DPP6: variants seen among roughly 807,000 people sequenced by gnomAD.
DPP6 encodes dipeptidyl peptidase like 6.
DPP6 carries 69 observed loss-of-function variants against 122.6 expected under a neutral mutation model. The observed-to-expected ratio is 0.56, with a 90% confidence interval of 0.46 to 0.69. DPP6 has a LOEUF of 0.69. Ranked by LOEUF, DPP6 falls within the 30% of genes least tolerant of loss-of-function variation. The pLI is 0.00. For synonymous variants in DPP6, 418 were observed against 433.1 expected (o/e 0.97, Z 0.43); for missense variants, 928 against 1,116.9 (o/e 0.83, Z 2.41).
chr7:154,614,283 G>T (rs1361067475), intron 5 of DPP6, among the ~76,000 whole-genome samples: 3 of 152,202 alleles, frequency 2.0e-5, no homozygotes, highest in African/African-American at 7.2e-5. Flanking sequence ...CTATTTTTGG[G>T]ATTGGTTTAA....
chr7:153,929,612 C>T (rs1801080785), intron 1 of DPP6, among the ~76,000 whole-genome samples: 1 of 151,942 alleles, frequency 6.6e-6, no homozygotes, highest in South Asian at 2.1e-4. Flanking sequence ...ACTTGTCAAG[C>T]TATTGATAGC....
chr7:154,771,842 G>A (rs1796266359), intron 9 of DPP6, among the ~76,000 whole-genome samples: 1 of 152,186 alleles, frequency 6.6e-6, no homozygotes, highest in Non-Finnish European at 1.5e-5. Flanking sequence ...ATTTTAGTTG[G>A]AAGCATAATT....
intron 3 of DPP6, among the ~76,000 whole-genome samples, chr7:154,497,478 G>A (rs926479131): frequency 2.6e-5 from 4 of 152,012 alleles, no homozygotes; most frequent in East Asian, 1.9e-4. Flanking sequence ...ATGTGGTGGC[G>A]GGCATCTGTA....
chr7:154,323,596 G>A (rs1211314728), intron 1 of DPP6, among the ~76,000 whole-genome samples: 1 of 152,180 alleles, frequency 6.6e-6, no homozygotes, highest in Non-Finnish European at 1.5e-5. Context: ...TGCCATCTCT[G>A]GGGTAAGTGG....
chr7:153,956,805 G>C (rs1031514319), intron 1 of DPP6, among the ~76,000 whole-genome samples: 1 of 152,158 alleles, frequency 6.6e-6, no homozygotes, highest in East Asian at 1.9e-4. Context: ...TCTTGTGTCT[G>C]TAATTATCTT....
chr7:153,880,286 T>C, the DPP6 span, among the ~76,000 whole-genome samples: 1 of 152,220 alleles, frequency 6.6e-6, no homozygotes, highest in Admixed American at 6.5e-5. Context: ...CTAAAATATA[T>C]ACTGTGCTTC....
At chr7:154,199,086 C>T (rs547007948) in intron 1 of DPP6, among the ~76,000 whole-genome samples, 5 of 151,606 alleles carry the variant, frequency 3.3e-5, no homozygotes, top group Admixed American at 6.6e-5. Flanking sequence ...TGGGGTTCCT[C>T]GAGGCTGCTT....
intron 1 of DPP6, among the ~76,000 whole-genome samples, chr7:154,243,020 A>G (rs1390352525): frequency 6.6e-6 from 1 of 152,216 alleles, no homozygotes; most frequent in Admixed American, 6.5e-5. Context: ...AGTAAAAGCT[A>G]TACCCTCAAA....
At position 154,762,532 on chromosome 7, in the gene DPP6, G is replaced by A. The variant is rs565169079; in HGVS notation, c.884-6885G>A. 1.7e-3 allele frequency among the ~76,000 whole-genome samples: 256 copies of A among 152,322 alleles called. 1 individual carries two copies. Among genetic ancestry groups the A allele is most frequent in the Admixed American group, 3.7e-3 (56 of 15,298 alleles). On this transcript the variant is annotated intron_variant, in intron 8 of 25. Coordinates refer to ENST00000377770, the MANE Select transcript of DPP6 (RefSeq NM_130797.4). ...GCAGCTGTGTGCCCCACGGCCTTCC[G>A]CAGTAGTTGAATTCGCAGACTGAGC...
intron 6 of DPP6, among the ~76,000 whole-genome samples, chr7:154,648,334 T>C (rs978957025): frequency 2.0e-5 from 3 of 152,020 alleles, no homozygotes; most frequent in African/African-American, 4.8e-5. Flanking sequence ...TGGGGATGGA[T>C]AGGGAAAGGC....
chr7:154,230,427 A>G (rs1456825647), intron 1 of DPP6, among the ~76,000 whole-genome samples: 1 of 152,172 alleles, frequency 6.6e-6, no homozygotes, highest in Admixed American at 6.5e-5. Context: ...TGACTTCTTC[A>G]TCTTTAAGGG....
intron 1 of DPP6, among the ~76,000 whole-genome samples, chr7:154,000,116 C>T (rs1292419443): frequency 6.7e-6 from 1 of 148,422 alleles, no homozygotes; most frequent in Non-Finnish European, 1.5e-5. Flanking sequence ...TGAATAGGTT[C>T]CGGGCATGAT....
the DPP6 span, among the ~76,000 whole-genome samples, chr7:153,818,258 G>T: frequency 6.4e-3 from 975 of 152,224 alleles, 6 homozygotes; most frequent in African/African-American, 0.022. Context: ...GGCAGCATGT[G>T]ACACTGTGAT....
At chr7:154,519,274 G>A (rs1308328451) in intron 3 of DPP6, among the ~76,000 whole-genome samples, 1 of 152,242 alleles carries the variant, frequency 6.6e-6, no homozygotes, top group Non-Finnish European at 1.5e-5. Context: ...TTATGCTGGA[G>A]GAGGCTGGGA....
intron 1 of DPP6, among the ~76,000 whole-genome samples, chr7:154,355,013 C>A (rs1426853065): frequency 6.6e-6 from 1 of 152,132 alleles, no homozygotes; most frequent in Non-Finnish European, 1.5e-5. Context: ...CTCACCTGCC[C>A]TTGGGAGGGG....
chr7:153,826,700 T>C, the DPP6 span, among the ~76,000 whole-genome samples: 903 of 152,332 alleles, frequency 5.9e-3, 5 homozygotes, highest in African/African-American at 0.02. Flanking sequence ...TGTGTCTCTG[T>C]GTTGCATATA....
intron 1 of DPP6, among the ~76,000 whole-genome samples, chr7:154,225,669 T>C (rs1800553331): frequency 6.6e-6 from 1 of 152,208 alleles, no homozygotes; most frequent in Non-Finnish European, 1.5e-5. Context: ...GTAACACTTG[T>C]GTAGGGAATG....
intron 1 of DPP6, among the ~76,000 whole-genome samples, chr7:153,904,800 A>T (rs557475878): frequency 1.3e-5 from 2 of 152,366 alleles, no homozygotes; most frequent in African/African-American, 4.8e-5. Flanking sequence ...GGCCAAGGGA[A>T]AGCTTCTCCT....
chr7:154,401,515 G>A (rs1206682135), intron 1 of DPP6, among the ~76,000 whole-genome samples: 1 of 152,100 alleles, frequency 6.6e-6, no homozygotes, highest in Non-Finnish European at 1.5e-5. Context: ...GTATGAAAGT[G>A]GTAGAGATCC....
Sources: allele counts gnomAD v4.1 joint callset (sites outside exome capture counted in the v4.1 genomes callset), GRCh38; gene constraint gnomAD v4.1.1; transcripts MANE v1.5; gene names NCBI Gene and HGNC (gene_info 2026-07-23, HGNC 2026-07-21).